MT1E: variants seen among roughly 807,000 people sequenced by gnomAD.
The protein encoded by MT1E is metallothionein 1E, also known as metallothionein-1E.
In MT1E, 1 loss-of-function variant was observed where a neutral mutation model predicts 2.4. The observed-to-expected ratio is 0.41, with a 90% CI of 0.15 to 1.97. MT1E has a LOEUF of 1.97. MT1E is among the 30% of genes most tolerant of loss of function. The pLI is 0.30. For synonymous variants in MT1E, 78 were observed against 63.0 expected (o/e 1.24, Z -1.13); for missense variants, 145 against 149.6 (o/e 0.97, Z 0.16).
At chr16:56,626,350 A>T (rs540690697) in intron 1 of MT1E, 116 bp from the exon 2 acceptor site, 1 of 1,472,946 alleles carries the variant, frequency 6.8e-7, no homozygotes, top group Admixed American at 1.7e-5. Flanking sequence ...CCTGAGTGGG[A>T]AAGGAGCTCT....
At position 56,626,896 on chromosome 16, in the gene MT1E, C is replaced by T; in HGVS notation, c.*75C>T. On this transcript the variant is annotated 3_prime_UTR_variant, in exon 2 of 2. Transcript: ENST00000330439. ...CTTCCCCAGGCTGCTGTTCCTGCTG[C>T]CCCGTGGGCTGTGCCAAGTGTGCCC... is the stretch of plus-strand genomic sequence containing the variant. 5 of 1,614,214 alleles carry T rather than the reference C, an allele frequency of 3.1e-6. No individual in the cohort carries two copies. Among genetic ancestry groups the T allele is most frequent in the Non-Finnish European group, 4.2e-6 (5 of 1,180,048 alleles).
Position 56,626,955 on chromosome 16 carries a change from G to T in MT1E, c.*134G>T. ...GTCTGCAAAGGGGCATCGGAGAAGTGCAGCTGCTGTGCCTGATGTGGGAAC... is the reference window on the plus strand; with the variant it reads ...GTCTGCAAAGGGGCATCGGAGAAGTTCAGCTGCTGTGCCTGATGTGGGAAC... On this transcript the variant is annotated 3_prime_UTR_variant, in exon 2 of 2. Coordinates refer to ENST00000330439, the MANE Select transcript of MT1E (RefSeq NM_001363555.2). 6.2e-7 allele frequency: 1 copy of T among 1,614,246 alleles called. No homozygotes were observed. The highest frequency in any genetic ancestry group is 8.5e-7 in the Non-Finnish European group (1 of 1,180,048).
intron 1 of MT1E, among the ~76,000 whole-genome samples, 163 bp from the exon 2 acceptor site, chr16:56,626,303 C>T (rs1373596062): frequency 2.2e-4 from 33 of 152,176 alleles, no homozygotes; most frequent in African/African-American, 7.7e-4. Flanking sequence ...CCCTTCCCAG[C>T]GTTAGTGGAG....
rs779141627 is a variant in MT1E, at chr16:56,626,829, A to G, written c.*8A>G. 3.7e-6 allele frequency: 6 copies of G among 1,614,104 alleles called. No individual in the cohort carries two copies. Among genetic ancestry groups the G allele is most frequent in the Non-Finnish European group, 4.2e-6 (5 of 1,180,006 alleles). ...AGCCAGGCTTGCTATTAGGGCAGGG[A>G]GGTGCCCGGTCAAGTCTACTGCCAC... On this transcript the variant is annotated 3_prime_UTR_variant, in exon 2 of 2. Coordinates refer to ENST00000330439, the MANE Select transcript of MT1E (RefSeq NM_001363555.2).
chr16:56,626,346 T>A, intron 1 of MT1E, 120 bp from the exon 2 acceptor site: 2 of 1,441,538 alleles, frequency 1.4e-6, no homozygotes, highest in Non-Finnish European at 1.9e-6. Flanking sequence ...CTGTCCTGAG[T>A]GGGAAAGGAG....
rs757443513 is a variant in MT1E at position 56,627,032 on chromosome 16, A to T, written c.*211A>T. 539 of 1,596,282 alleles carry T rather than the reference A, an allele frequency of 3.4e-4. No homozygotes were observed. Among genetic ancestry groups the T allele is most frequent in the Middle Eastern group, 5.0e-4 (3 of 6,004 alleles). ...CAACCTGCACAACCTGGATTTTTTT[A>T]AAAATACAACACTGAGCCATTTGCT... On this transcript the variant is annotated 3_prime_UTR_variant, in exon 2 of 2. Transcript: ENST00000330439.
At position 56,626,720 on chromosome 16, in the gene MT1E, A is replaced by G. The variant is rs1960215149; in HGVS notation, c.283A>G (p.Asn95Asp). ...GRTAFFSWDT[N>D]PNCTPYGFRT... ...GACAGCATTTTTCTCGTGGGACACA[A>G]ACCCCAACTGTACCCCCTATGGTTT... Residue 95 changes from asparagine to aspartate, a missense_variant, in exon 2 of 2, where the codon AAC becomes GAC. Asn to Asp is a conservative substitution (Grantham distance 23). Transcript: ENST00000330439. 2 of 1,595,946 alleles carry G rather than the reference A, an allele frequency of 1.3e-6. No individual in the cohort carries two copies. Among genetic ancestry groups the G allele is most frequent in the Non-Finnish European group, 8.5e-7 (1 of 1,171,422 alleles).
rs1323504693 is a variant in MT1E, at chr16:56,626,739, A to G, written c.302A>G (p.Tyr101Cys). The G allele has an allele frequency of 5.6e-6, 9 of 1,606,266 alleles. No individual in the cohort carries two copies. The highest frequency in any genetic ancestry group is 2.7e-5 in the African/African-American group (2 of 74,640). The change falls in exon 2 of 2, where the codon TAT becomes TGT. Residue 101 changes from tyrosine to cysteine, a missense_variant. Tyr to Cys is a radical substitution (Grantham distance 194). Coordinates refer to ENST00000330439, the MANE Select transcript of MT1E (RefSeq NM_001363555.2). ...SWDTNPNCTP[Y>C]GFRTELCQTK... ...GACACAAACCCCAACTGTACCCCCT[A>G]TGGTTTCAGAACAGAGCTGTGCCAG... is the stretch of plus-strand genomic sequence containing the variant.
Position 56,626,733 on chromosome 16 carries a change from C to A in MT1E, c.296C>A (p.Thr99Asn). 6.2e-7 allele frequency: 1 copy of A among 1,602,944 alleles called. No individual in the cohort carries two copies. Among genetic ancestry groups the A allele is most frequent in the South Asian group, 1.1e-5 (1 of 90,218 alleles). Residue 99 changes from threonine to asparagine, a missense_variant, in exon 2 of 2, where the codon ACC becomes AAC. Coordinates refer to ENST00000330439, the MANE Select transcript of MT1E (RefSeq NM_001363555.2). Reference sequence around the variant, plus strand: ...TCGTGGGACACAAACCCCAACTGTACCCCCTATGGTTTCAGAACAGAGCTG... The same window carrying A: ...TCGTGGGACACAAACCCCAACTGTAACCCCTATGGTTTCAGAACAGAGCTG... ...FFSWDTNPNC[T>N]PYGFRTELCQ...
In MT1E at chr16:56,626,899, C is replaced by G. The variant is rs137967744; in HGVS notation, c.*78C>G. The G allele has an allele frequency of 1.1e-5, 17 of 1,614,182 alleles. No individual in the cohort carries two copies. The highest frequency in any genetic ancestry group is 1.4e-5 in the Non-Finnish European group (17 of 1,180,044). ...CCCCAGGCTGCTGTTCCTGCTGCCC[C>G]GTGGGCTGTGCCAAGTGTGCCCAGG... On this transcript the variant is annotated 3_prime_UTR_variant, in exon 2 of 2. Transcript: ENST00000330439.
In MT1E at chr16:56,625,795, C is replaced by A; in HGVS notation, c.-57C>A. 6.2e-7 allele frequency: 1 copy of A among 1,605,058 alleles called. No homozygotes were observed. Among genetic ancestry groups the A allele is most frequent in the Non-Finnish European group, 8.5e-7 (1 of 1,173,338 alleles). ...TGCAGGGCTCCATTCTGCTTTCCAA[C>A]TGCCTGACTGCTTGTTCGTCTCACT... On this transcript the variant is annotated 5_prime_UTR_variant, in exon 1 of 2. It adds an upstream start codon to the 5' untranslated region. Coordinates refer to ENST00000330439, the MANE Select transcript of MT1E (RefSeq NM_001363555.2).
Position 56,626,698 on chromosome 16 carries a change from A to C in MT1E, c.261A>C (p.Thr87=). 1 of 1,589,752 alleles carries C rather than the reference A, an allele frequency of 6.3e-7. No individual in the cohort carries two copies. Among genetic ancestry groups the C allele is most frequent in the South Asian group, 1.1e-5 (1 of 89,246 alleles). ...GCCCTAAATTCAGATGGGGCAGGAC[A>C]GCATTTTTCTCGTGGGACACAAACC... ...AFCPKFRWGR[T]AFFSWDTNPN... Residue 87 remains threonine, a synonymous_variant, in exon 2 of 2, where the codon ACA becomes ACC. Transcript: ENST00000330439.
chr16:56,626,606 G>A lies in MT1E; in HGVS notation c.169G>A (p.Ala57Thr). The A allele has an allele frequency of 6.2e-7, 1 of 1,614,106 alleles. No homozygotes were observed. The highest frequency in any genetic ancestry group is 8.5e-7 in the Non-Finnish European group (1 of 1,179,980). The change falls in exon 2 of 2, where the codon GCA (alanine) becomes ACA (threonine). Residue 57 changes from alanine (A) to threonine (T), a missense_variant. Ala to Thr is a moderately conservative substitution (Grantham distance 58). Coordinates refer to ENST00000330439, the MANE Select transcript of MT1E (RefSeq NM_001363555.2). ...AGGGAACTCAAGGCTGGCCCTGAGT[G>A]CATCCTTCTGGGGAACTGGGCTTTC... ...LGGNSRLALSASFWGTGLSLP... is the reference protein window; with the variant it reads ...LGGNSRLALSTSFWGTGLSLP...
At position 56,626,779 on chromosome 16, in the gene MT1E, C is replaced by A; in HGVS notation, c.342C>A (p.Ile114=). Residue 114 remains isoleucine (I), a synonymous_variant, in exon 2 of 2, where the codon ATC becomes ATA. Coordinates refer to ENST00000330439, the MANE Select transcript of MT1E (RefSeq NM_001363555.2). The stretch of plus-strand genomic sequence containing the variant: ...AGCTGTGCCAGACGAAAAAAAGCAT[C>A]CTCTGGGTCTGGGTTCTGAGCTCGA... ...RTELCQTKKS[I]LWVWVLSSSQ... is the part of the protein sequence containing the mutation. 6.2e-7 allele frequency: 1 copy of A among 1,613,716 alleles called. No individual in the cohort carries two copies. The highest frequency in any genetic ancestry group is 8.5e-7 in the Non-Finnish European group (1 of 1,179,866).
chr16:56,625,798 CCTGA>C lies in MT1E; in HGVS notation c.-50_-47del, dbSNP rs1960199304. ...AGGGCTCCATTCTGCTTTCCAACTG[CCTGA>C]CTGCTTGTTCGTCTCACTGGTGTGA... On this transcript the variant is annotated 5_prime_UTR_variant, in exon 1 of 2. Transcript: ENST00000330439. The C allele has an allele frequency of 6.2e-7, 1 of 1,607,052 alleles. No homozygotes were observed. The highest frequency in any genetic ancestry group is 8.5e-7 in the Non-Finnish European group (1 of 1,175,252).
Position 56,625,871 on chromosome 16 carries a change from G to C in MT1E, c.20G>C (p.Cys7Ser), listed in dbSNP as rs141266321. 4 of 1,613,732 alleles carry C rather than the reference G, an allele frequency of 2.5e-6. No individual in the cohort carries two copies. Among genetic ancestry groups the C allele is most frequent in the Non-Finnish European group, 3.4e-6 (4 of 1,179,996 alleles). ...CTCGAAATGGACCCCAACTGCTCTT[G>C]CGCCACTGGTAAGGGAAGCTCTGCG... MDPNCSCATGGSCTCAG... is the reference protein window; with the variant it reads MDPNCSSATGGSCTCAG... The change falls in exon 1 of 2, where the codon TGC becomes TCC. Residue 7 changes from cysteine to serine, a missense_variant. By Grantham distance (112) the Cys-to-Ser change is moderately radical (BLOSUM62 -1). Transcript: ENST00000330439.
Position 56,626,065 on chromosome 16 carries a change from A to G in MT1E, c.28+186A>G, listed in dbSNP as rs143598843. ...CCTGGGCCTCTACGTCAGAGTTAAG[A>G]ATACTGAGGCTCAAGGCTGAACTGC... On this transcript the variant is annotated intron_variant, in intron 1 of 1. Transcript: ENST00000330439. Among the ~76,000 whole-genome samples the G allele has an allele frequency of 1.5e-3, 232 of 152,192 alleles. 2 individuals carry two copies. Among genetic ancestry groups the G allele is most frequent in the Middle Eastern group, 6.8e-3 (2 of 294 alleles).
At position 56,626,479 on chromosome 16, in the gene MT1E, G is replaced by A. The variant is rs766725187; in HGVS notation, c.42G>A (p.Thr14=). ...TCTTCCTTGTAGGTGGCTCCTGCACGTGCGCCGGCTCCTGCAAGTGCAAAG... is the reference window on the plus strand; with the variant it reads ...TCTTCCTTGTAGGTGGCTCCTGCACATGCGCCGGCTCCTGCAAGTGCAAAG... ...NCSCATGGSC[T]CAGSCKCKEC... is the part of the protein sequence containing the mutation. The change falls in exon 2 of 2, where the codon ACG becomes ACA. Residue 14 remains threonine, a synonymous_variant. Coordinates refer to ENST00000330439, the MANE Select transcript of MT1E (RefSeq NM_001363555.2). 9.9e-6 allele frequency: 16 copies of A among 1,613,820 alleles called. No individual in the cohort carries two copies. The South Asian group carries it at 1.4e-4, about 14-fold the overall frequency.
chr16:56,626,323 G>A, intron 1 of MT1E, 143 bp from the exon 2 acceptor site: 1 of 1,284,476 alleles, frequency 7.8e-7, no homozygotes. Context: ...GAGGACATGG[G>A]GCTTCTGTTC....
Sources: gnomAD v4.1 joint callset for allele counts (sites outside exome capture counted in the v4.1 genomes callset) on GRCh38, gnomAD v4.1.1 for gene constraint, MANE v1.5 for transcripts, NCBI Gene and HGNC (gene_info 2026-07-23, HGNC 2026-07-21) for gene names.